The following MED27 variants were observed in gnomAD, a reference collection of about 807,000 sequenced individuals.
The protein encoded by MED27 is mediator of RNA polymerase II transcription subunit 27.
In MED27, 30 loss-of-function variants were observed where a neutral mutation model predicts 38.2. The ratio of observed to expected loss-of-function variants is 0.79; its 90% confidence interval spans 0.59 to 1.07. MED27 has a LOEUF of 1.07. MED27 is among the 50% of genes least tolerant of loss of function. MED27 has a pLI of 0.00. For missense variants in MED27, 289 were observed against 397.5 expected (o/e 0.73, Z 2.32); for synonymous variants, 122 against 153.5 (o/e 0.79, Z 1.52).
chr9:131,945,887 G>A (rs763932323), intron 3 of MED27, among the ~76,000 whole-genome samples: 9 of 149,494 alleles, frequency 6.0e-5, no homozygotes, highest in Non-Finnish European at 1.3e-4. Context: ...AGGATTGCTT[G>A]AGCCCAGGAG....
At position 131,893,891 on chromosome 9, in the gene MED27, A is replaced by G. The variant is rs372705564; in HGVS notation, c.675T>C (p.Asp225=). The G allele has an allele frequency of 3.7e-6, 6 of 1,612,616 alleles. No homozygotes were observed. The African/African-American group carries it at 5.3e-5, about 14-fold the overall frequency. Residue 225 remains aspartate (D), a synonymous_variant, in exon 5 of 8, where the codon GAT becomes GAC. Coordinates refer to ENST00000292035, the MANE Select transcript of MED27 (RefSeq NM_004269.4). ...KGYNENVYTE[D]GKLDIWSKSN... is the part of the protein sequence containing the mutation. ...AAGACTGCACAATGCTTACCTTGCC[A>G]TCTTCTGTGTAGACATTCTCGTTAT...
At position 132,052,980 on chromosome 9, in the gene MED27, G is replaced by A. The variant is rs527470830; in HGVS notation, c.348+24462C>T. Among the ~76,000 whole-genome samples, 11 of 152,284 alleles carry A rather than the reference G, an allele frequency of 7.2e-5. No individual in the cohort carries two copies. The South Asian group carries it at 1.7e-3, about 23-fold the overall frequency. On this transcript the variant is annotated intron_variant, in intron 2 of 7. Coordinates refer to ENST00000292035, the MANE Select transcript of MED27 (RefSeq NM_004269.4). ...ACGAAAGGGCTGCTCAGGGCTGGGCGGGGTGGCTCATGCCTGTAATCCCAG... is the reference window on the plus strand; with the variant it reads ...ACGAAAGGGCTGCTCAGGGCTGGGCAGGGTGGCTCATGCCTGTAATCCCAG...
intron 3 of MED27, among the ~76,000 whole-genome samples, chr9:132,004,574 C>T (rs571737516): frequency 2.0e-5 from 3 of 152,192 alleles, no homozygotes; most frequent in Non-Finnish European, 4.4e-5. Context: ...GGCTCTGGGG[C>T]CCTGCTCGCT....
chr9:131,888,145 C>T (rs940587153), intron 5 of MED27, among the ~76,000 whole-genome samples: 3 of 152,238 alleles, frequency 2.0e-5, no homozygotes, highest in Admixed American at 6.5e-5. Flanking sequence ...CCACCACCTC[C>T]ATCACAACCA....
At chr9:132,049,398 A>T (rs532712952) in intron 2 of MED27, among the ~76,000 whole-genome samples, 1 of 152,302 alleles carries the variant, frequency 6.6e-6, no homozygotes, top group East Asian at 1.9e-4. Flanking sequence ...GACTGTGGGA[A>T]AAATCAAGCA....
intron 4 of MED27, among the ~76,000 whole-genome samples, chr9:131,938,307 C>T (rs1052994223): frequency 6.6e-6 from 1 of 152,166 alleles, no homozygotes; most frequent in Non-Finnish European, 1.5e-5. Context: ...AAAAAATACC[C>T]AGTCCTGAAC....
intron 2 of MED27, among the ~76,000 whole-genome samples, chr9:132,048,015 G>T (rs115706364): frequency 6.6e-6 from 1 of 152,234 alleles, no homozygotes; most frequent in African/African-American, 2.4e-5. Flanking sequence ...TCATTGCCAA[G>T]GTCTGATCGC....
At position 132,021,075 on chromosome 9, in the gene MED27, T is replaced by C. The variant is rs76306210; in HGVS notation, c.349-6608A>G. On this transcript the variant is annotated intron_variant, in intron 2 of 7. Coordinates refer to ENST00000292035, the MANE Select transcript of MED27 (RefSeq NM_004269.4). The stretch of plus-strand genomic sequence containing the variant: ...ACTGTGGCATTATTTATATGCTAAA[T>C]GCCATTTGAGTTTCTTTCTTCCCTA... 5.2e-3 allele frequency among the ~76,000 whole-genome samples: 788 copies of C among 152,360 alleles called. 6 individuals carry two copies. The highest frequency in any genetic ancestry group is 6.2e-3 in the Non-Finnish European group (422 of 68,020).
At chr9:131,935,454 C>A (rs1016667757) in intron 4 of MED27, among the ~76,000 whole-genome samples, 1 of 152,168 alleles carries the variant, frequency 6.6e-6, no homozygotes, top group Non-Finnish European at 1.5e-5. Context: ...AAAATTGTAA[C>A]CAACCCCAAC....
intron 4 of MED27, among the ~76,000 whole-genome samples, chr9:131,918,214 G>A (rs921470638): frequency 5.9e-5 from 9 of 152,170 alleles, no homozygotes; most frequent in Non-Finnish European, 1.3e-4. Flanking sequence ...GGCTTTCAAA[G>A]GTATCTTTAG....
intron 3 of MED27, among the ~76,000 whole-genome samples, chr9:131,967,142 T>C (rs1023451660): frequency 6.6e-5 from 10 of 152,280 alleles, no homozygotes; most frequent in African/African-American, 2.2e-4. Flanking sequence ...TTTCTTACAC[T>C]GTTCTTTACT....
intron 5 of MED27, among the ~76,000 whole-genome samples, chr9:131,892,442 C>T (rs1839243960): frequency 6.6e-6 from 1 of 152,206 alleles, no homozygotes; most frequent in South Asian, 2.1e-4. Flanking sequence ...TAAATTTCCA[C>T]TCCTTCTTAT....
At chr9:131,879,735 G>C (rs1047367983) in intron 6 of MED27, among the ~76,000 whole-genome samples, 6 of 152,290 alleles carry the variant, frequency 3.9e-5, no homozygotes, top group African/African-American at 1.4e-4. Context: ...CTCGCCAGTC[G>C]ACTTGGCTGG....
At chr9:132,045,881 G>C (rs904377194) in intron 2 of MED27, among the ~76,000 whole-genome samples, 1 of 152,186 alleles carries the variant, frequency 6.6e-6, no homozygotes, top group Non-Finnish European at 1.5e-5. Context: ...AGTGTTCTCT[G>C]TTCCTTCTTC....
intron 4 of MED27, among the ~76,000 whole-genome samples, chr9:131,907,454 G>A (rs1439243664): frequency 2.0e-5 from 3 of 152,206 alleles, no homozygotes; most frequent in Non-Finnish European, 4.4e-5. Context: ...TCCTAACCGT[G>A]AGTGATCCGC....
intron 4 of MED27, among the ~76,000 whole-genome samples, chr9:131,900,252 G>A (rs1335174941): frequency 6.6e-6 from 1 of 152,200 alleles, no homozygotes; most frequent in Non-Finnish European, 1.5e-5. Flanking sequence ...GCTGCACTCT[G>A]GGCAGCGAGC....
chr9:131,950,464 G>A (rs995244880), intron 3 of MED27, among the ~76,000 whole-genome samples: 4 of 152,192 alleles, frequency 2.6e-5, no homozygotes, highest in African/African-American at 9.7e-5. Context: ...CGGATGTGGT[G>A]ACTGCTTCCA....
intron 4 of MED27, among the ~76,000 whole-genome samples, chr9:131,895,607 A>T (rs1829819102): frequency 6.6e-6 from 1 of 152,238 alleles, no homozygotes; most frequent in Non-Finnish European, 1.5e-5. Flanking sequence ...TATACTTTAA[A>T]TAGTACTGAA....
At chr9:131,955,212 T>C (rs1294131720) in intron 3 of MED27, among the ~76,000 whole-genome samples, 1 of 151,934 alleles carries the variant, frequency 6.6e-6, no homozygotes, top group Non-Finnish European at 1.5e-5. Context: ...CAAGAGAAAT[T>C]AGAAAATACC....
Sources: allele counts gnomAD v4.1 joint callset (sites outside exome capture counted in the v4.1 genomes callset), GRCh38; gene constraint gnomAD v4.1.1; transcripts MANE v1.5; gene names NCBI Gene and HGNC (gene_info 2026-07-23, HGNC 2026-07-21).